Variants in MEGF8 observed in about 807,000 individuals in gnomAD.
MEGF8 encodes the protein multiple epidermal growth factor-like domains protein 8.
In MEGF8, 156 loss-of-function variants were observed where a neutral mutation model predicts 302.9. The ratio of observed to expected loss-of-function variants is 0.52; its 90% confidence interval spans 0.45 to 0.59. The LOEUF (loss-of-function observed/expected upper bound fraction) is 0.59. MEGF8 is among the 20% of genes least tolerant of loss of function. The pLI is 0.00. For synonymous variants in MEGF8, 1,621 were observed against 1,660.5 expected (o/e 0.98, Z 0.58); for missense variants, 3,345 against 3,964.5 (o/e 0.84, Z 4.20).
Position 42,337,501 on chromosome 19 carries a change from C to G in MEGF8, c.1513+295C>G, listed in dbSNP as rs10425003. Among the ~76,000 whole-genome samples the G allele has an allele frequency of 0.015, 2,258 of 147,874 alleles. 59 individuals are homozygous for G. Among genetic ancestry groups the G allele is most frequent in the African/African-American group, 0.052 (2,084 of 40,174 alleles). On this transcript the variant is annotated intron_variant, in intron 8 of 41. Transcript: ENST00000251268. ...TTTTCCTTCTTTTTAACTTTCTTTT[C>G]TTTTCTTTTTTTTTTTTTTTTTTTG...
At position 42,353,317 on chromosome 19, in the gene MEGF8, C is replaced by G. The variant is rs989047623; in HGVS notation, c.3551-148C>G. 1 of 1,086,048 alleles carries G rather than the reference C, an allele frequency of 9.2e-7. No homozygotes were observed. The highest frequency in any genetic ancestry group is 1.3e-6 in the Non-Finnish European group (1 of 762,926). 67.3% of individuals were successfully genotyped at this position (1,086,048 alleles called of 1,614,324 possible). A position where few individuals can be genotyped will look rare whatever the true frequency, so the allele number is the denominator to read the frequency against. On this transcript the variant is annotated intron_variant, in intron 20 of 41. Coordinates refer to ENST00000251268, the MANE Select transcript of MEGF8 (RefSeq NM_001271938.2). This position sits in a 1 kb window ranked among gnomAD's most constrained non-coding sequence, Gnocchi z 6.1. Reference sequence around the variant, plus strand: ...CACTCTGGTTGGGCTTCAGTTCCCCCTCTTGGGACTTGCTGTTTCCCCTGA... The same window carrying G: ...CACTCTGGTTGGGCTTCAGTTCCCCGTCTTGGGACTTGCTGTTTCCCCTGA...
At chr19:42,372,039 A>AAACAAC (rs59779006) in intron 41 of MEGF8, among the ~76,000 whole-genome samples, 6,808 of 144,590 alleles carry the variant, frequency 0.047, 234 homozygotes, top group African/African-American at 0.098. Context: ...CTCTGTCTCA[A>AAACAAC]AACAACAACA....
rs560397338 is a variant in MEGF8 at position 42,376,854 on chromosome 19, C to T, written c.*79C>T. 2.9e-6 allele frequency: 4 copies of T among 1,386,738 alleles called. No individual in the cohort carries two copies. Among genetic ancestry groups the T allele is most frequent in the Admixed American group, 3.2e-5 (1 of 31,680 alleles). 85.9% of individuals were successfully genotyped at this position (1,386,738 alleles called of 1,614,324 possible). On this transcript the variant is annotated 3_prime_UTR_variant, in exon 42 of 42. Transcript: ENST00000251268. The surrounding 1 kb of genome is among the most constrained non-coding windows in gnomAD (Gnocchi z 8.2). The stretch of plus-strand genomic sequence containing the variant: ...GACTTGGGGTCCCTCCACCTGGGGG[C>T]CCCTGGACACTGTCTACTTGGAGAC...
rs1041453756 is a variant in MEGF8 at position 42,358,915 on chromosome 19, A to C, written c.5304A>C (p.Thr1768=). The change falls in exon 30 of 42, where the codon ACA becomes ACC. Residue 1768 remains threonine, a synonymous_variant. Transcript: ENST00000251268. The surrounding 1 kb of genome is among the most constrained non-coding windows in gnomAD (Gnocchi z 4.4). ...CTCTGTGGGCTGCTCTTGCTGGTAC[A>C]GGAGGTTTCCTGGAGGAAATCTCAC... The part of the protein sequence containing the change: ...KMALWAALAG[T]GGFLEEISPH... 6.2e-7 allele frequency: 1 copy of C among 1,611,756 alleles called. No homozygotes were observed. The highest frequency in any genetic ancestry group is 8.5e-7 in the Non-Finnish European group (1 of 1,179,140).
Position 42,344,351 on chromosome 19 carries a change from C to T in MEGF8, c.1789-90C>T, listed in dbSNP as rs1442059105. The stretch of plus-strand genomic sequence containing the variant: ...CCGTTCTTCAGTTTTTTCGCCCTTT[C>T]CATCGCAGGACCCTGTATCCACAGC... On this transcript the variant is annotated intron_variant, in intron 10 of 41. Transcript: ENST00000251268. This position sits in a 1 kb window ranked among gnomAD's most constrained non-coding sequence, Gnocchi z 4.5. 9.6e-6 allele frequency: 14 copies of T among 1,460,960 alleles called. No individual in the cohort carries two copies. Among genetic ancestry groups the T allele is most frequent in the Non-Finnish European group, 1.3e-5 (14 of 1,104,340 alleles). The allele number at this position is 1,460,960 out of a possible 1,614,324, so 90.5% of individuals were successfully genotyped here. A position where few individuals can be genotyped will look rare whatever the true frequency, so the allele number is the denominator to read the frequency against.
At position 42,356,903 on chromosome 19, in the gene MEGF8, G is replaced by T; in HGVS notation, c.4752G>T (p.Leu1584=). 1.2e-6 allele frequency: 2 copies of T among 1,609,404 alleles called. No individual in the cohort carries two copies. The highest frequency in any genetic ancestry group is 8.5e-7 in the Non-Finnish European group (1 of 1,178,130). ...CTGGCCGTGGTGCCATGTATCTGCT[G>T]GGGGGACTTACCGCTGGAGGCGTCA... ...VPAGRGAMYL[L]GGLTAGGVTR... Residue 1584 remains leucine (L), a synonymous_variant, in exon 27 of 42, where the codon CTG becomes CTT. Transcript: ENST00000251268. This position sits in a 1 kb window ranked among gnomAD's most constrained non-coding sequence, Gnocchi z 5.2.
rs1193376121 is a variant in MEGF8 at position 42,343,377 on chromosome 19, G to C, written c.1514-100G>C. ...GGCAGGTGAGGTTGAAGCAGCCACCGGAATAGAAGGCTGGGCTGTGGCCCA... is the reference window on the plus strand; with the variant it reads ...GGCAGGTGAGGTTGAAGCAGCCACCCGAATAGAAGGCTGGGCTGTGGCCCA... On this transcript the variant is annotated intron_variant, in intron 8 of 41. Transcript: ENST00000251268. 91 of 1,360,450 alleles carry C rather than the reference G, an allele frequency of 6.7e-5. 1 individual carries two copies. The South Asian group carries it at 1.3e-3, about 20-fold the overall frequency. 84.3% of individuals were successfully genotyped at this position (1,360,450 alleles called of 1,614,324 possible). A position where few individuals can be genotyped will look rare whatever the true frequency, so the allele number is the denominator to read the frequency against.
intron 12 of MEGF8, among the ~76,000 whole-genome samples, chr19:42,345,273 C>T (rs2147465993): frequency 6.6e-6 from 1 of 152,322 alleles, no homozygotes; most frequent in South Asian, 2.1e-4. Context: ...TGCCTGGCCT[C>T]CTTATAGATT....
chr19:42,360,761 C>T lies in MEGF8; in HGVS notation c.5489-14C>T, dbSNP rs946779302. On this transcript the variant is annotated splice_polypyrimidine_tract_variant and intron_variant, in intron 31 of 41. Transcript: ENST00000251268. ...CCTGCTCTCTATCTGTCTGAATACA[C>T]CATCTTTCCTCAGGCTCGGCCTCTG... The T allele has an allele frequency of 4.5e-6, 7 of 1,562,114 alleles. No individual in the cohort carries two copies. In the African/African-American group the frequency reaches 5.4e-5, roughly 12 times the overall value.
Position 42,344,101 on chromosome 19 carries a change from C to T in MEGF8, c.1788+28C>T, listed in dbSNP as rs775877598. 2.5e-6 allele frequency: 4 copies of T among 1,609,716 alleles called. No individual in the cohort carries two copies. In the Admixed American group the frequency reaches 6.7e-5, roughly 27 times the overall value. On this transcript the variant is annotated intron_variant, in intron 10 of 41. Transcript: ENST00000251268. The surrounding 1 kb of genome is among the most constrained non-coding windows in gnomAD (Gnocchi z 4.5). ...GAGTGACAGCCCTAGACCCTCTGTT[C>T]CCTAGCATAGAGACCTGCCCTCAGT... is the stretch of plus-strand genomic sequence containing the variant.
chr19:42,341,925 G>C (rs971324256), intron 8 of MEGF8, among the ~76,000 whole-genome samples: 8 of 152,278 alleles, frequency 5.3e-5, no homozygotes, highest in African/African-American at 1.9e-4. Flanking sequence ...ATCACTTCGG[G>C]GACGTGTGGG....
chr19:42,359,331 C>A (rs2039499288), intron 31 of MEGF8, 89 bp downstream of exon 31: 4 of 1,296,036 alleles, frequency 3.1e-6, no homozygotes, highest in Non-Finnish European at 4.0e-6. Context: ...TTAGGAGTCA[C>A]TGGGCCCCTG....
chr19:42,343,552 G>C lies in MEGF8; in HGVS notation c.1589G>C (p.Gly530Ala). 2 of 1,613,580 alleles carry C rather than the reference G, an allele frequency of 1.2e-6. No individual in the cohort carries two copies. Among genetic ancestry groups the C allele is most frequent in the Non-Finnish European group, 1.7e-6 (2 of 1,179,768 alleles). ...VLGGSVLLVA[G>A]GYSGRPRGDL... The stretch of plus-strand genomic sequence containing the variant: ...GGTGGCAGCGTCCTGTTGGTGGCTG[G>C]GGGGTACAGCGGCCGGCCCCGTGGG... The change falls in exon 9 of 42, where the codon GGG becomes GCG. Residue 530 changes from glycine (G) to alanine (A), a missense_variant. Physicochemically the swap from Gly to Ala is moderately conservative, Grantham distance 60 (BLOSUM62 0). Transcript: ENST00000251268.
Position 42,369,553 on chromosome 19 carries a change from G to T in MEGF8, c.6664G>T (p.Val2222Leu). ...CAGCATGACAGGGCTGTGCCGCCCTGTGTGCGCCCAGGGCTGCGTGAACGG... is the reference window on the plus strand; with the variant it reads ...CAGCATGACAGGGCTGTGCCGCCCTTTGTGCGCCCAGGGCTGCGTGAACGG... Reference protein sequence around the residue: ...MDNMTGLCRPVCAQGCVNGSC... With the variant: ...MDNMTGLCRPLCAQGCVNGSC... The change falls in exon 38 of 42, where the codon GTG becomes TTG. Residue 2222 changes from valine to leucine, a missense_variant. Coordinates refer to ENST00000251268, the MANE Select transcript of MEGF8 (RefSeq NM_001271938.2). This position sits in a 1 kb window ranked among gnomAD's most constrained non-coding sequence, Gnocchi z 5.7. 1 of 1,610,168 alleles carries T rather than the reference G, an allele frequency of 6.2e-7. No individual in the cohort carries two copies.
rs772643691 is a variant in MEGF8, at chr19:42,363,281, A to C, written c.6273+19A>C. 1.9e-6 allele frequency: 3 copies of C among 1,568,948 alleles called. No individual in the cohort carries two copies. In the South Asian group the frequency reaches 3.5e-5, roughly 18 times the overall value. On this transcript the variant is annotated intron_variant, in intron 35 of 41. Transcript: ENST00000251268. ...GCAGCAGGTACTGCACCTGGCCAGG[A>C]CCGTGCCAGGCAAGGGCCCGGGCAG... is the stretch of plus-strand genomic sequence containing the variant.
chr19:42,368,644 C>G lies in MEGF8; in HGVS notation c.6463C>G (p.Leu2155Val). The change falls in exon 36 of 42, where the codon CTC becomes GTC. Residue 2155 changes from leucine to valine, a missense_variant. Transcript: ENST00000251268. The surrounding 1 kb of genome is among the most constrained non-coding windows in gnomAD (Gnocchi z 4.9). Reference protein sequence around the residue: ...DGGGRCMEGGLSGPRDGLTCG... With the variant: ...DGGGRCMEGGVSGPRDGLTCG... ...GGGTGGCCGCTGCATGGAGGGTGGACTCAGCGGCCCCCGTGATGGTGAGAG... is the reference window on the plus strand; with the variant it reads ...GGGTGGCCGCTGCATGGAGGGTGGAGTCAGCGGCCCCCGTGATGGTGAGAG... 6.4e-7 allele frequency: 1 copy of G among 1,551,834 alleles called. No homozygotes were observed. The highest frequency in any genetic ancestry group is 1.4e-5 in the African/African-American group (1 of 73,740).
rs369680099 is a variant in MEGF8 at position 42,363,103 on chromosome 19, C to T, written c.6114C>T (p.Ser2038=). Residue 2038 remains serine, a synonymous_variant, in exon 35 of 42, where the codon AGC becomes AGT. Transcript: ENST00000251268. ...VQPTYDWTCF[S]HSLLNVSPMP... ...CCACCTATGACTGGACGTGCTTCAGCCACTCTCTGCTGAATGTGTCCCCCA... is the reference window on the plus strand; with the variant it reads ...CCACCTATGACTGGACGTGCTTCAGTCACTCTCTGCTGAATGTGTCCCCCA... The T allele has an allele frequency of 4.5e-5, 73 of 1,613,304 alleles. 1 individual carries two copies. Among genetic ancestry groups the T allele is most frequent in the Non-Finnish European group, 6.1e-5 (72 of 1,179,662 alleles).
At position 42,353,064 on chromosome 19, in the gene MEGF8, T is replaced by C; in HGVS notation, c.3487T>C (p.Cys1163Arg). ...GPPAPRCSRD[C>R]GCSFHSHCRK... Reference sequence around the variant, plus strand: ...GCCAGCCCCCCGCTGCTCCCGGGACTGTGGCTGCAGCTTCCACAGCCACTG... The same window carrying C: ...GCCAGCCCCCCGCTGCTCCCGGGACCGTGGCTGCAGCTTCCACAGCCACTG... The change falls in exon 20 of 42, where the codon TGT (cysteine) becomes CGT (arginine). Residue 1163 changes from cysteine (C) to arginine (R), a missense_variant. By Grantham distance (180) the Cys-to-Arg change is radical (BLOSUM62 -3). Coordinates refer to ENST00000251268, the MANE Select transcript of MEGF8 (RefSeq NM_001271938.2). This position sits in a 1 kb window ranked among gnomAD's most constrained non-coding sequence, Gnocchi z 6.1. 6.5e-7 allele frequency: 1 copy of C among 1,549,668 alleles called. No individual in the cohort carries two copies. Among genetic ancestry groups the C allele is most frequent in the Middle Eastern group, 1.8e-4 (1 of 5,562 alleles).
Position 42,356,551 on chromosome 19 carries a change from T to A in MEGF8, c.4622+98T>A. 1 of 1,075,202 alleles carries A rather than the reference T, an allele frequency of 9.3e-7. No homozygotes were observed. Among genetic ancestry groups the A allele is most frequent in the Non-Finnish European group, 1.3e-6 (1 of 763,900 alleles). 66.6% of individuals were successfully genotyped at this position (1,075,202 alleles called of 1,614,324 possible). The stretch of plus-strand genomic sequence containing the variant: ...GAGGAGTGCAGAAAAGCCTCTAAGG[T>A]AAAGGACAGCCCAAAGGATGCTGGG... On this transcript the variant is annotated intron_variant, in intron 26 of 41. Transcript: ENST00000251268. The surrounding 1 kb of genome is among the most constrained non-coding windows in gnomAD (Gnocchi z 5.2).
Sources: allele counts gnomAD v4.1 joint callset (sites outside exome capture counted in the v4.1 genomes callset), GRCh38; gene constraint gnomAD v4.1.1; non-coding constraint Gnocchi (gnomAD v3.1); transcripts MANE v1.5; gene names NCBI Gene and HGNC (gene_info 2026-07-23, HGNC 2026-07-21).